Variants in GALNT9 observed in about 807,000 individuals in gnomAD.
GALNT9 encodes the protein GalNAc transferase 9.
Under a neutral mutation model 63.1 loss-of-function variants are expected in GALNT9, and 47 were observed. The ratio of observed to expected loss-of-function variants is 0.75; its 90% CI spans 0.59 to 0.95. GALNT9 has a LOEUF of 0.95. GALNT9 is among the 40% of genes least tolerant of loss of function. The pLI is 0.00. For synonymous variants in GALNT9, 396 were observed against 365.7 expected, an observed-to-expected ratio of 1.08 and a Z score of -0.94; for missense variants, 829 against 874.8, an observed-to-expected ratio of 0.95 and a Z score of 0.66.
In GALNT9 at chr12:132,196,430, C is replaced by G; in HGVS notation, c.*677G>C. 3.0e-6 allele frequency: 3 copies of G among 985,294 alleles called. No individual in the cohort carries two copies. Among genetic ancestry groups the G allele is most frequent in the Non-Finnish European group, 3.6e-6 (3 of 829,748 alleles). The allele number at this position is 985,294 out of a possible 1,614,324, so 61.0% of individuals were successfully genotyped here. ...AAACAGGCAAGGGGCTGGGCTGCGG[C>G]AGGGCCCAGGTGCCTGGGAAAGAGG... is the stretch of plus-strand genomic sequence containing the variant. On this transcript the variant is annotated 3_prime_UTR_variant, in exon 11 of 11. Coordinates refer to ENST00000328957, the MANE Select transcript of GALNT9 (RefSeq NM_001122636.2).
At chr12:132,288,651 C>A (rs890217233) in intron 1 of GALNT9, among the ~76,000 whole-genome samples, 1 of 151,668 alleles carries the variant, frequency 6.6e-6, no homozygotes, top group Admixed American at 6.6e-5. Flanking sequence ...GGTGGCTGAG[C>A]GTGGTTCCGG....
intron 6 of GALNT9, among the ~76,000 whole-genome samples, chr12:132,224,710 CCAGA>C (rs1318035996): frequency 9.3e-5 from 12 of 128,502 alleles, no homozygotes; most frequent in Non-Finnish European, 9.7e-5. Flanking sequence ...TGCATACACA[CCAGA>C]CATACGCCCC....
At chr12:132,313,379 A>C in intron 1 of GALNT9, among the ~76,000 whole-genome samples, 1 of 144,980 alleles carries the variant, frequency 6.9e-6, no homozygotes, top group Non-Finnish European at 1.5e-5. Context: ...CCACCCATCC[A>C]CTCACTCACT....
chr12:132,267,476 C>G (rs1555240296), intron 2 of GALNT9, among the ~76,000 whole-genome samples: 1 of 152,194 alleles, frequency 6.6e-6, no homozygotes. Context: ...ACACCGTCGC[C>G]CAGCACCCCA....
chr12:132,309,082 C>G (rs531846794), intron 1 of GALNT9, among the ~76,000 whole-genome samples: 13 of 152,356 alleles, frequency 8.5e-5, no homozygotes, highest in African/African-American at 3.1e-4. Context: ...GAACCCGGCC[C>G]CACCCATTCA....
At chr12:132,239,564 A>G (rs1237482603) in intron 6 of GALNT9, among the ~76,000 whole-genome samples, 1 of 151,708 alleles carries the variant, frequency 6.6e-6, no homozygotes, top group African/African-American at 2.4e-5. Flanking sequence ...TCAGAGACAG[A>G]GAGACACAGA....
At position 132,229,523 on chromosome 12, in the gene GALNT9, C is replaced by T. The variant is rs1013434814; in HGVS notation, c.1077+18387G>A. Among the ~76,000 whole-genome samples, 11 of 152,366 alleles carry T rather than the reference C, an allele frequency of 7.2e-5. No homozygotes were observed. The East Asian group carries it at 1.2e-3, about 16-fold the overall frequency. ...TGCCCCAGACACCGACCACACCCCG[C>T]GGCAGGCCCCAGGGCCACACTCGCA... On this transcript the variant is annotated intron_variant, in intron 6 of 10. Coordinates refer to ENST00000328957, the MANE Select transcript of GALNT9 (RefSeq NM_001122636.2).
At chr12:132,256,961 T>C (rs1169286026) in intron 5 of GALNT9, among the ~76,000 whole-genome samples, 1 of 152,224 alleles carries the variant, frequency 6.6e-6, no homozygotes, top group East Asian at 1.9e-4. Context: ...GTAGTGTCTG[T>C]TCATGTCGCG....
intron 5 of GALNT9, among the ~76,000 whole-genome samples, chr12:132,250,250 G>A (rs1026136341): frequency 2.0e-5 from 3 of 152,212 alleles, no homozygotes; most frequent in Non-Finnish European, 2.9e-5. Flanking sequence ...AGTCCACGGG[G>A]GCAGGAAGTG....
intron 6 of GALNT9, among the ~76,000 whole-genome samples, chr12:132,241,116 C>A (rs1878309639): frequency 7.7e-6 from 1 of 130,460 alleles, no homozygotes; most frequent in East Asian, 2.3e-4. Context: ...ATTACACACA[C>A]AACACACACC....
At chr12:132,227,234 GC>G (rs1877728185) in intron 6 of GALNT9, among the ~76,000 whole-genome samples, 1 of 152,176 alleles carries the variant, frequency 6.6e-6, no homozygotes, top group South Asian at 2.1e-4. Flanking sequence ...TGGAACGGAG[GC>G]ACCGAAATGG....
At chr12:132,218,509 G>A (rs1441840155) in intron 6 of GALNT9, among the ~76,000 whole-genome samples, 2 of 151,926 alleles carry the variant, frequency 1.3e-5, no homozygotes, top group Non-Finnish European at 2.9e-5. Context: ...TTTTAAAAAA[G>A]ATTTACAATC....
chr12:132,257,726 C>T lies in GALNT9; in HGVS notation c.922G>A (p.Asp308Asn). The T allele has an allele frequency of 6.5e-7, 1 of 1,550,286 alleles. No homozygotes were observed. Among genetic ancestry groups the T allele is most frequent in the Non-Finnish European group, 8.7e-7 (1 of 1,146,768 alleles). ...GACTCGTCGCCGCGGTCCAGCCAGT[C>T]CTGCGGGGGGATGATGTACATGCAC... ...LWCMYIIPPQ[D>N]WLDRGDESAP... Residue 308 changes from aspartate to asparagine, a missense_variant, in exon 5 of 11, where the codon GAC (aspartate) becomes AAC (asparagine). Asp to Asn is a conservative substitution (Grantham distance 23, BLOSUM62 1). Transcript: ENST00000328957.
chr12:132,272,404 C>G (rs1278399214), intron 2 of GALNT9, among the ~76,000 whole-genome samples: 1 of 152,232 alleles, frequency 6.6e-6, no homozygotes, highest in African/African-American at 2.4e-5. Flanking sequence ...GCGCCACCAC[C>G]CTACTGCCGG....
At chr12:132,225,433 CCACA>C (rs1227356053) in intron 6 of GALNT9, among the ~76,000 whole-genome samples, 15 of 147,360 alleles carry the variant, frequency 1.0e-4, no homozygotes, top group Admixed American at 1.4e-4. Flanking sequence ...TATACACCCC[CCACA>C]CACACACCAC....
intron 8 of GALNT9, among the ~76,000 whole-genome samples, chr12:132,199,752 A>T (rs1043910618): frequency 1.3e-5 from 2 of 152,200 alleles, no homozygotes; most frequent in Non-Finnish European, 2.9e-5. Context: ...ATGTGTTGTC[A>T]TCGGGCAGCC....
Position 132,319,255 on chromosome 12 carries a change from G to A in GALNT9, c.238+9711C>T, listed in dbSNP as rs1171559424. ...TGAATCAGGGGGCTGAGGAAGAAAG[G>A]TCTGTCCTCCCCAGTGCAGACAGGG... On this transcript the variant is annotated intron_variant, in intron 1 of 10. Coordinates refer to ENST00000328957, the MANE Select transcript of GALNT9 (RefSeq NM_001122636.2). The surrounding 1 kb of genome is among the most constrained non-coding windows in gnomAD (Gnocchi z 5.2). Among the ~76,000 whole-genome samples the A allele has an allele frequency of 6.6e-6, 1 of 152,170 alleles. No homozygotes were observed. Among genetic ancestry groups the A allele is most frequent in the Non-Finnish European group, 1.5e-5 (1 of 68,022 alleles).
Position 132,315,675 on chromosome 12 carries a change from C to G in GALNT9, c.238+13291G>C, listed in dbSNP as rs1566023026. On this transcript the variant is annotated intron_variant, in intron 1 of 10. Transcript: ENST00000328957. The surrounding 1 kb of genome is among the most constrained non-coding windows in gnomAD (Gnocchi z 6.1). ...CCAGTCTCTGTGAAGGCCACCAGTT[C>G]GGATCCCAGTTCTGCCATTACCAGG... is the stretch of plus-strand genomic sequence containing the variant. 6.6e-6 allele frequency among the ~76,000 whole-genome samples: 1 copy of G among 152,192 alleles called. No individual in the cohort carries two copies. The highest frequency in any genetic ancestry group is 2.1e-4 in the South Asian group (1 of 4,826).
rs1445336545 is a variant in GALNT9 at position 132,243,335 on chromosome 12, CG to C, written c.1077+4574del. Among the ~76,000 whole-genome samples the C allele has an allele frequency of 2.1e-5, 3 of 144,936 alleles. 1 individual carries two copies. Among genetic ancestry groups the C allele is most frequent in the Non-Finnish European group, 4.6e-5 (3 of 65,826 alleles). On this transcript the variant is annotated intron_variant, in intron 6 of 10. Coordinates refer to ENST00000328957, the MANE Select transcript of GALNT9 (RefSeq NM_001122636.2). ...TTACACACACACCACACACCCTTCC[CG>C]GGGGGCCATCAGGGCCCCCAGTGGC...
Sources: allele counts gnomAD v4.1 joint callset (sites outside exome capture counted in the v4.1 genomes callset), GRCh38; gene constraint gnomAD v4.1.1; non-coding constraint Gnocchi (gnomAD v3.1); transcripts MANE v1.5; gene names NCBI Gene and HGNC (gene_info 2026-07-23, HGNC 2026-07-21).